The following MDM2 variants were observed in gnomAD, a reference collection of about 807,000 sequenced individuals.
MDM2 encodes the protein MDM2 proto-oncogene.
Under a neutral mutation model 64.3 loss-of-function variants are expected in MDM2, and 11 were observed. That is an observed-to-expected ratio of 0.17 (90% CI 0.11 to 0.28). The LOEUF is 0.28. Ranked by LOEUF, MDM2 falls within the 10% of genes least tolerant of loss-of-function variation. The pLI, the probability that MDM2 is intolerant of heterozygous loss-of-function variation, is 1.00. For synonymous variants in MDM2, 194 were observed against 192.9 expected (o/e 1.01, Z -0.05); for missense variants, 388 against 577.1 (o/e 0.67, Z 3.36).
chr12:68,832,986 C>T (rs1031635444), intron 8 of MDM2, among the ~76,000 whole-genome samples: 3 of 149,324 alleles, frequency 2.0e-5, no homozygotes, highest in South Asian at 2.1e-4. Context: ...ATTAGCCGGG[C>T]GTGGTGGCGG....
chr12:68,847,214 T>TATATATATATATATATATATATATATG (rs1884378595), downstream of MDM2: 1 of 52,582 alleles, frequency 1.9e-5, no homozygotes, highest in Non-Finnish European at 3.9e-5. Flanking sequence ...ATATATATAC[T>TATATATATATATATATATATATATATG]TTTTTTAGAG....
chr12:68,808,630 T>C, intron 1 of MDM2, 139 bp downstream of exon 1: 2 of 1,209,936 alleles, frequency 1.7e-6, no homozygotes, highest in Non-Finnish European at 1.1e-6. Flanking sequence ...GCGCGGGGCA[T>C]GGGGCACGTG....
In MDM2 at chr12:68,837,778, G is replaced by GT. The variant is rs1385043245; in HGVS notation, c.918+1036dup. Among the ~76,000 whole-genome samples, 110 of 152,040 alleles carry GT rather than the reference G, an allele frequency of 7.2e-4. 2 individuals are homozygous for GT. Among genetic ancestry groups the GT allele is most frequent in the East Asian group, 1.4e-3 (7 of 5,172 alleles). On this transcript the variant is annotated intron_variant, in intron 10 of 10. Transcript: ENST00000258149. The stretch of plus-strand genomic sequence containing the variant: ...TCACTGAGTTCCTGAGGTATTATAG[G>GT]TTTTTTTAAAACTATTGTGCTTTAG...
chr12:68,829,280 C>A (rs912621863), intron 8 of MDM2, among the ~76,000 whole-genome samples: 2 of 152,120 alleles, frequency 1.3e-5, no homozygotes, highest in African/African-American at 2.4e-5. Context: ...GAGAGTTACA[C>A]TTTTTAAAAA....
chr12:68,829,283 T>C (rs1180899499), intron 8 of MDM2, among the ~76,000 whole-genome samples: 2 of 152,320 alleles, frequency 1.3e-5, no homozygotes, highest in East Asian at 3.9e-4. Flanking sequence ...AGTTACACTT[T>C]TTAAAAAAGG....
chr12:68,810,515 G>C (rs1643918785), intron 2 of MDM2, among the ~76,000 whole-genome samples: 2 of 151,718 alleles, frequency 1.3e-5, no homozygotes, highest in Non-Finnish European at 2.9e-5. Flanking sequence ...AGGCTGGAGT[G>C]CAGTGGCACA....
At position 68,829,397 on chromosome 12, in the gene MDM2, C is replaced by T. The variant is rs1305840507; in HGVS notation, c.684+466C>T. 3.9e-5 allele frequency among the ~76,000 whole-genome samples: 6 copies of T among 152,170 alleles called. No homozygotes were observed. In the South Asian group the frequency reaches 8.3e-4, roughly 21 times the overall value. On this transcript the variant is annotated intron_variant, in intron 8 of 10. Coordinates refer to ENST00000258149, the MANE Select transcript of MDM2 (RefSeq NM_002392.6). ...TTATTACAGCCATCAGCAAAAAAGT[C>T]AGCATAGTCTGAACTTAACATTTGC...
downstream of MDM2, chr12:68,845,946 C>T (rs1884262504): frequency 6.7e-6 from 1 of 148,348 alleles, no homozygotes; most frequent in East Asian, 2.1e-4. Flanking sequence ...CCCCCCACCT[C>T]CCCCGACCCC....
intron 4 of MDM2, among the ~76,000 whole-genome samples, chr12:68,818,049 CT>C (rs1241120015): frequency 6.6e-6 from 1 of 152,150 alleles, no homozygotes; most frequent in Non-Finnish European, 1.5e-5. Flanking sequence ...CTGCCATGGC[CT>C]CCCAAAGTGC....
chr12:68,822,776 T>A (rs959525751), intron 5 of MDM2, among the ~76,000 whole-genome samples: 6 of 151,828 alleles, frequency 4.0e-5, no homozygotes, highest in South Asian at 2.1e-4. Flanking sequence ...AGTCTCACTC[T>A]GTCACCCAGG....
intron 5 of MDM2, among the ~76,000 whole-genome samples, chr12:68,822,371 C>T (rs1361190478): frequency 1.3e-4 from 19 of 146,074 alleles, no homozygotes; most frequent in African/African-American, 4.1e-4. Flanking sequence ...TTTTAAAGCT[C>T]TTTTTTTTTT....
Position 68,841,560 on chromosome 12 carries a change from CA to C in MDM2, c.*1718del. The C allele has an allele frequency of 1.4e-5, 3 of 207,552 alleles. No homozygotes were observed. Among genetic ancestry groups the C allele is most frequent in the East Asian group, 7.3e-5 (1 of 13,606 alleles). 12.9% of individuals were successfully genotyped at this position (207,552 alleles called of 1,614,324 possible). On this transcript the variant is annotated 3_prime_UTR_variant, in exon 11 of 11. Transcript: ENST00000258149. The stretch of plus-strand genomic sequence containing the variant: ...ATTACATCAGGCCCTTTTTCACACA[CA>C]AAAAAATCCTTTATGGGATTTAATG...
intron 4 of MDM2, among the ~76,000 whole-genome samples, chr12:68,817,431 C>T (rs1881476489): frequency 6.6e-6 from 1 of 152,116 alleles, no homozygotes; most frequent in African/African-American, 2.4e-5. Flanking sequence ...TGGCACTTAA[C>T]CAGCAGAATT....
chr12:68,824,909 G>C (rs759400763), intron 7 of MDM2, among the ~76,000 whole-genome samples: 4 of 152,214 alleles, frequency 2.6e-5, no homozygotes, highest in Non-Finnish European at 4.4e-5. Context: ...TAAGATAGTA[G>C]GAGGTGGCTG....
intron 2 of MDM2, among the ~76,000 whole-genome samples, chr12:68,810,988 C>G (rs899306079): frequency 1.3e-5 from 2 of 152,118 alleles, no homozygotes; most frequent in Non-Finnish European, 2.9e-5. Context: ...GCCTCAGCCT[C>G]TGGAGTAGCT....
chr12:68,815,648 G>T (rs1212534918), intron 3 of MDM2: 3 of 414,824 alleles, frequency 7.2e-6, no homozygotes, highest in Non-Finnish European at 1.4e-5. Context: ...TCACTATGTT[G>T]CCCAGGCTGG....
rs550541822 is a variant in MDM2 at position 68,827,204 on chromosome 12, C to T, written c.524-1567C>T. ...AAGAAAATGATAAAAAAAGTCCTTT[C>T]AGAAATCTGTGATACTATCTCATTT... On this transcript the variant is annotated intron_variant, in intron 7 of 10. Coordinates refer to ENST00000258149, the MANE Select transcript of MDM2 (RefSeq NM_002392.6). Among the ~76,000 whole-genome samples, 5 of 152,150 alleles carry T rather than the reference C, an allele frequency of 3.3e-5. No individual in the cohort carries two copies. The South Asian group carries it at 6.2e-4, about 19-fold the overall frequency.
At position 68,814,656 on chromosome 12, in the gene MDM2, A is replaced by C. The variant is rs1169176544; in HGVS notation, c.174+1028A>C. 1.5e-5 allele frequency: 6 copies of C among 401,214 alleles called. No homozygotes were observed. In the Admixed American group the frequency reaches 1.9e-4, roughly 13 times the overall value. 24.9% of individuals were successfully genotyped at this position (401,214 alleles called of 1,614,324 possible). A position where few individuals can be genotyped will look rare whatever the true frequency, so the allele number is the denominator to read the frequency against. ...TTAAGAACTTCTGCACTAGAGATAC[A>C]TGAGTACAGTATACTGATCTTTCTG... On this transcript the variant is annotated intron_variant, in intron 3 of 10. Transcript: ENST00000258149.
chr12:68,818,737 CT>C (rs1387302626), intron 4 of MDM2, among the ~76,000 whole-genome samples: 1 of 150,864 alleles, frequency 6.6e-6, no homozygotes, highest in African/African-American at 2.4e-5. Flanking sequence ...ATTTCTTTAC[CT>C]ATTGAATATT....
Sources: gnomAD v4.1 joint callset for allele counts (sites outside exome capture counted in the v4.1 genomes callset) on GRCh38, gnomAD v4.1.1 for gene constraint, MANE v1.5 for transcripts, NCBI Gene and HGNC (gene_info 2026-07-23, HGNC 2026-07-21) for gene names.